PRRC1: variants seen among roughly 807,000 people sequenced by gnomAD.
PRRC1 encodes proline rich coiled-coil 1, also known as protein PRRC1.
In PRRC1, 39 loss-of-function variants were observed where a neutral mutation model predicts 40.7. The observed-to-expected ratio is 0.96, with a 90% CI of 0.74 to 1.25. The LOEUF is 1.25. PRRC1 is among the 50% of genes most tolerant of loss of function. The pLI is 0.00. For synonymous variants in PRRC1, 175 were observed against 193.3 expected, an observed-to-expected ratio of 0.91 and a Z score of 0.79; for missense variants, 573 against 548.3, an observed-to-expected ratio of 1.05 and a Z score of -0.45.
chr5:127,544,380 G>A (rs1053149461), intron 7 of PRRC1, among the ~76,000 whole-genome samples: 25 of 152,296 alleles, frequency 1.6e-4, no homozygotes, highest in African/African-American at 4.1e-4. Context: ...CTCCAGCTGC[G>A]TGCTGGGAGA....
chr5:127,547,535 C>A (rs1475966964), intron 7 of PRRC1, among the ~76,000 whole-genome samples: 1 of 151,954 alleles, frequency 6.6e-6, no homozygotes. Context: ...TATTTGAGTA[C>A]CCTTACTTTG....
At chr5:127,544,860 C>T (rs569085983) in intron 7 of PRRC1, among the ~76,000 whole-genome samples, 36 of 152,356 alleles carry the variant, frequency 2.4e-4, no homozygotes, top group Admixed American at 1.8e-3. Flanking sequence ...CACCCTGCTT[C>T]GGCTCGAGCA....
intron 3 of PRRC1, 87 bp from the exon 4 acceptor site, chr5:127,526,531 A>G: frequency 5.3e-6 from 5 of 942,962 alleles, no homozygotes; most frequent in Non-Finnish European, 7.8e-6. Flanking sequence ...CCTGAATATT[A>G]ATATTAAAGT....
At position 127,552,197 on chromosome 5, in the gene PRRC1, G is replaced by A. The variant is rs1393206292; in HGVS notation, c.*281G>A. 8.6e-7 allele frequency: 1 copy of A among 1,156,234 alleles called. No homozygotes were observed. Among genetic ancestry groups the A allele is most frequent in the Non-Finnish European group, 1.1e-6 (1 of 935,818 alleles). The allele number at this position is 1,156,234 out of a possible 1,614,324, so 71.6% of individuals were successfully genotyped here. A position where few individuals can be genotyped will look rare whatever the true frequency, so the allele number is the denominator to read the frequency against. On this transcript the variant is annotated 3_prime_UTR_variant, in exon 9 of 9. Transcript: ENST00000296666. ...ACAATTTAATATACCAGATTTATAA[G>A]GTGGAAATTCATGTGCAGAGACATT...
rs745652702 is a variant in PRRC1, at chr5:127,526,788, G to C, written c.654+10G>C. The C allele has an allele frequency of 1.2e-5, 19 of 1,531,558 alleles. No homozygotes were observed. The highest frequency in any genetic ancestry group is 1.5e-5 in the Non-Finnish European group (17 of 1,139,874). 94.9% of individuals were successfully genotyped at this position (1,531,558 alleles called of 1,614,324 possible). ...CTGGGGTTTTATTAAGGTAAGACGT[G>C]TTTAAAAATTATGTTTAATTTTCTA... is the stretch of plus-strand genomic sequence containing the variant. On this transcript the variant is annotated intron_variant, in intron 4 of 8. Transcript: ENST00000296666.
At position 127,524,759 on chromosome 5, in the gene PRRC1, C is replaced by T; in HGVS notation, c.332C>T (p.Pro111Leu). 6.2e-7 allele frequency: 1 copy of T among 1,614,190 alleles called. No individual in the cohort carries two copies. Among genetic ancestry groups the T allele is most frequent in the East Asian group, 2.2e-5 (1 of 44,882 alleles). The change falls in exon 3 of 9, where the codon CCA (proline) becomes CTA (leucine). Residue 111 changes from proline (P) to leucine (L), a missense_variant. Pro to Leu is a moderately conservative substitution (Grantham distance 98). Transcript: ENST00000296666. ...AFGNPPVSHF[P>L]PSTSAPNTLL... ...GGTAATCCTCCTGTATCTCACTTCC[C>T]ACCTTCAACTTCTGCCCCAAACACT...
At chr5:127,542,701 G>T (rs1186642805) in intron 7 of PRRC1, among the ~76,000 whole-genome samples, 1 of 150,782 alleles carries the variant, frequency 6.6e-6, no homozygotes. Flanking sequence ...TGCAACCCCT[G>T]CCTTTTTTTG....
intron 8 of PRRC1, chr5:127,550,536 A>G (rs752333383): frequency 6.6e-6 from 1 of 152,232 alleles, no homozygotes; most frequent in Non-Finnish European, 1.5e-5. Flanking sequence ...TGCCAATAAT[A>G]TAGAATACCT....
At chr5:127,545,181 T>C (rs972582707) in intron 7 of PRRC1, among the ~76,000 whole-genome samples, 2 of 151,826 alleles carry the variant, frequency 1.3e-5, no homozygotes, top group African/African-American at 4.8e-5. Flanking sequence ...ACTTTTACAC[T>C]GTTGGTGGGA....
rs1406281683 is a variant in PRRC1, at chr5:127,552,193, A to G, written c.*277A>G. The G allele has an allele frequency of 8.6e-7, 1 of 1,167,532 alleles. No homozygotes were observed. The highest frequency in any genetic ancestry group is 1.6e-5 in the African/African-American group (1 of 63,810). The allele number at this position is 1,167,532 out of a possible 1,614,324, so 72.3% of individuals were successfully genotyped here. ...CAGCACAATTTAATATACCAGATTTATAAGGTGGAAATTCATGTGCAGAGA... is the reference window on the plus strand; with the variant it reads ...CAGCACAATTTAATATACCAGATTTGTAAGGTGGAAATTCATGTGCAGAGA... On this transcript the variant is annotated 3_prime_UTR_variant, in exon 9 of 9. Coordinates refer to ENST00000296666, the MANE Select transcript of PRRC1 (RefSeq NM_130809.5).
chr5:127,524,757 C>T lies in PRRC1; in HGVS notation c.330C>T (p.Phe110=). ...AAFGNPPVSH[F]PPSTSAPNTL... Reference sequence around the variant, plus strand: ...TCGGTAATCCTCCTGTATCTCACTTCCCACCTTCAACTTCTGCCCCAAACA... The same window carrying T: ...TCGGTAATCCTCCTGTATCTCACTTTCCACCTTCAACTTCTGCCCCAAACA... The change falls in exon 3 of 9, where the codon TTC becomes TTT. Residue 110 remains phenylalanine, a synonymous_variant. Coordinates refer to ENST00000296666, the MANE Select transcript of PRRC1 (RefSeq NM_130809.5). 1 of 1,614,188 alleles carries T rather than the reference C, an allele frequency of 6.2e-7. No homozygotes were observed. Among genetic ancestry groups the T allele is most frequent in the Non-Finnish European group, 8.5e-7 (1 of 1,180,034 alleles).
rs1189546397 is a variant in PRRC1, at chr5:127,551,857, A to G, written c.1279A>G (p.Ser427Gly). ...TGMSRRQMIY[S>G]AARAIAGMYK... Reference sequence around the variant, plus strand: ...GATGTCCCGTCGGCAGATGATCTACAGTGCAGCCAGAGCGATAGCGGGCAT... The same window carrying G: ...GATGTCCCGTCGGCAGATGATCTACGGTGCAGCCAGAGCGATAGCGGGCAT... Residue 427 changes from serine (S) to glycine (G), a missense_variant, in exon 9 of 9, where the codon AGT becomes GGT. Physicochemically the swap from Ser to Gly is moderately conservative, Grantham distance 56 (BLOSUM62 0). Coordinates refer to ENST00000296666, the MANE Select transcript of PRRC1 (RefSeq NM_130809.5). 1 of 1,614,098 alleles carries G rather than the reference A, an allele frequency of 6.2e-7. No individual in the cohort carries two copies. Among genetic ancestry groups the G allele is most frequent in the Non-Finnish European group, 8.5e-7 (1 of 1,179,990 alleles).
chr5:127,553,534 C>CTT lies in PRRC1; in HGVS notation c.*1620_*1621dup, dbSNP rs1012452107. The stretch of plus-strand genomic sequence containing the variant: ...GCTTTCTCTACCATTTGCGTCTACA[C>CTT]TTTATTTTAAAAGCTATCCTTTTCT... On this transcript the variant is annotated 3_prime_UTR_variant, in exon 9 of 9. Coordinates refer to ENST00000296666, the MANE Select transcript of PRRC1 (RefSeq NM_130809.5). 2.5e-6 allele frequency: 3 copies of CTT among 1,188,396 alleles called. No homozygotes were observed. The highest frequency in any genetic ancestry group is 8.6e-5 in the Admixed American group (2 of 23,280). The allele number at this position is 1,188,396 out of a possible 1,614,324, so 73.6% of individuals were successfully genotyped here. A position where few individuals can be genotyped will look rare whatever the true frequency, so the allele number is the denominator to read the frequency against.
rs17164854 is a variant in PRRC1, at chr5:127,530,276, T to C, written c.655-18T>C. 0.017 allele frequency: 27,466 copies of C among 1,603,206 alleles called. 285 individuals carry two copies. The highest frequency in any genetic ancestry group is 0.029 in the East Asian group (1,318 of 44,812). On this transcript the variant is annotated intron_variant, in intron 4 of 8. Coordinates refer to ENST00000296666, the MANE Select transcript of PRRC1 (RefSeq NM_130809.5). ...CTCACTTAGAGTGAATACTTACATA[T>C]TGATTTGTTTTATGCAGGGTGTGGC...
At chr5:127,525,252 G>A (rs561999478) in intron 3 of PRRC1, among the ~76,000 whole-genome samples, 2 of 152,248 alleles carry the variant, frequency 1.3e-5, no homozygotes, top group Middle Eastern at 3.4e-3. Context: ...CATATAATAC[G>A]TGGTCTTTTG....
At chr5:127,545,751 C>T (rs2127114589) in intron 7 of PRRC1, among the ~76,000 whole-genome samples, 1 of 151,506 alleles carries the variant, frequency 6.6e-6, no homozygotes, top group East Asian at 1.9e-4. Context: ...GCACATTGTG[C>T]ACATGTACCC....
chr5:127,531,617 C>CTTTTTTTTT lies in PRRC1; in HGVS notation c.757+1236_757+1244dup, dbSNP rs60179366. Among the ~76,000 whole-genome samples the CTTTTTTTTT allele has an allele frequency of 3.5e-3, 348 of 99,612 alleles. 20 individuals carry two copies. Among genetic ancestry groups the CTTTTTTTTT allele is most frequent in the African/African-American group, 0.014 (302 of 21,534 alleles). The allele number at this position is 99,612 out of a possible 152,430, so 65.3% of individuals were successfully genotyped here. On this transcript the variant is annotated intron_variant, in intron 5 of 8. Coordinates refer to ENST00000296666, the MANE Select transcript of PRRC1 (RefSeq NM_130809.5). ...GCCAGGTGTTTTTATTCTTCTTCTTCTTTTTTTTTTTTTTTTTTTTTTTGA... is the reference window on the plus strand; with the variant it reads ...GCCAGGTGTTTTTATTCTTCTTCTTCTTTTTTTTTTTTTTTTTTTTTTTTTTTTTTTTGA...
chr5:127,547,137 A>G (rs1768248878), intron 7 of PRRC1, among the ~76,000 whole-genome samples: 1 of 152,112 alleles, frequency 6.6e-6, no homozygotes, highest in South Asian at 2.1e-4. Flanking sequence ...TTTTGAGGGT[A>G]TCTGGCTGTT....
intron 4 of PRRC1, 150 bp from the exon 5 acceptor site, chr5:127,530,144 C>G: frequency 5.0e-6 from 3 of 605,820 alleles, no homozygotes; most frequent in Non-Finnish European, 8.5e-6. Flanking sequence ...AACTTAATAG[C>G]AATTTGATAT....
Sources: allele counts gnomAD v4.1 joint callset (sites outside exome capture counted in the v4.1 genomes callset), GRCh38; gene constraint gnomAD v4.1.1; transcripts MANE v1.5; gene names NCBI Gene and HGNC (gene_info 2026-07-23, HGNC 2026-07-21).